The following EED variants were observed in gnomAD, a reference collection of about 807,000 sequenced individuals.
The protein encoded by EED is embryonic ectoderm development, also known as polycomb protein EED.
EED carries 9 observed loss-of-function variants against 61.0 expected under a neutral mutation model. The observed-to-expected ratio is 0.15, with a 90% CI of 0.09 to 0.26. EED has a LOEUF of 0.26. Ranked by LOEUF, EED falls within the 10% of genes least tolerant of loss-of-function variation. EED has a pLI of 1.00. For synonymous variants in EED, 187 were observed against 174.4 expected, an observed-to-expected ratio of 1.07 and a Z score of -0.57; for missense variants, 315 against 542.3, an observed-to-expected ratio of 0.58 and a Z score of 4.16.
intron 10 of EED, 46 bp from the exon 11 acceptor site, chr11:86,277,872 C>T: frequency 6.7e-7 from 1 of 1,491,642 alleles, no homozygotes; most frequent in Non-Finnish European, 8.9e-7. Flanking sequence ...GCTTTAGAAC[C>T]TGGTAATTTT....
At position 86,264,237 on chromosome 11, in the gene EED, G is replaced by C; in HGVS notation, c.700G>C (p.Gly234Arg). 1 of 1,613,902 alleles carries C rather than the reference G, an allele frequency of 6.2e-7. No individual in the cohort carries two copies. Among genetic ancestry groups the C allele is most frequent in the Non-Finnish European group, 8.5e-7 (1 of 1,179,872 alleles). ...GGTGGCAATATTTGGAGGCGTAGAA[G>C]GGCACAGAGATGAAGTTCTAAGTGC... ...TLVAIFGGVE[G>R]HRDEVLSADY... Residue 234 changes from glycine (G) to arginine (R), a missense_variant, in exon 7 of 12, where the codon GGG (glycine) becomes CGG (arginine). Coordinates refer to ENST00000263360, the MANE Select transcript of EED (RefSeq NM_003797.5).
At chr11:86,280,581 T>C (rs1001262558), downstream of EED, among the ~76,000 whole-genome samples, 6 of 152,212 alleles carry the variant, frequency 3.9e-5, no homozygotes, top group Non-Finnish European at 8.8e-5. Context: ...AATTATATTC[T>C]CAAGGGTCTT....
intron 9 of EED, among the ~76,000 whole-genome samples, chr11:86,275,500 C>G (rs1279099279): frequency 1.2e-4 from 18 of 152,194 alleles, no homozygotes; most frequent in Admixed American, 1.2e-3. Flanking sequence ...ATTGGTAGTT[C>G]TAAAAAGCTC....
intron 4 of EED, among the ~76,000 whole-genome samples, chr11:86,255,831 C>T (rs898695717): frequency 1.1e-4 from 16 of 151,914 alleles, no homozygotes; most frequent in Non-Finnish European, 1.6e-4. Flanking sequence ...CGAGTTAGAG[C>T]GGTAAAAGCT....
chr11:86,254,306 A>G (rs1368790380), intron 3 of EED, among the ~76,000 whole-genome samples: 3 of 151,058 alleles, frequency 2.0e-5, no homozygotes, highest in Non-Finnish European at 4.4e-5. Context: ...TTTTTATTTG[A>G]ATTTTTATTT....
intron 9 of EED, among the ~76,000 whole-genome samples, chr11:86,269,396 G>A (rs1946057942): frequency 6.6e-6 from 1 of 152,124 alleles, no homozygotes; most frequent in Non-Finnish European, 1.5e-5. Context: ...TATTGGTGAT[G>A]TTACATGAGC....
intron 8 of EED, among the ~76,000 whole-genome samples, chr11:86,266,890 T>C (rs1489590241): frequency 1.3e-5 from 2 of 152,190 alleles, no homozygotes; most frequent in African/African-American, 4.8e-5. Flanking sequence ...ACTTTTGTTT[T>C]AGCAAAGAGC....
chr11:86,247,941 T>C (rs1945431859), intron 1 of EED, among the ~76,000 whole-genome samples: 2 of 152,260 alleles, frequency 1.3e-5, no homozygotes, highest in Non-Finnish European at 2.9e-5. Flanking sequence ...TTTGAGATCA[T>C]ATGACTGCAG....
chr11:86,249,258 A>C (rs1351664517), intron 1 of EED, among the ~76,000 whole-genome samples: 1 of 152,052 alleles, frequency 6.6e-6, no homozygotes, highest in East Asian at 1.9e-4. Flanking sequence ...ACTGCTTGCT[A>C]CCCGCCTATT....
chr11:86,266,657 T>G (rs1945988968), intron 8 of EED, among the ~76,000 whole-genome samples: 1 of 152,148 alleles, frequency 6.6e-6, no homozygotes, highest in Non-Finnish European at 1.5e-5. Flanking sequence ...CTCTAATTCA[T>G]GATAATGTTT....
chr11:86,257,876 T>G (rs981844301), intron 6 of EED, among the ~76,000 whole-genome samples: 1 of 152,244 alleles, frequency 6.6e-6, no homozygotes, highest in Non-Finnish European at 1.5e-5. Context: ...AAAACAATTA[T>G]GTAATCCTTC....
chr11:86,286,847 C>G, the EED span, among the ~76,000 whole-genome samples: 7,867 of 151,826 alleles, frequency 0.052, 282 homozygotes, highest in East Asian at 0.14. Context: ...TGGTGGGCAC[C>G]TGTAGTCCCA....
At chr11:86,286,073 C>T in the EED span, among the ~76,000 whole-genome samples, 1 of 152,164 alleles carries the variant, frequency 6.6e-6, no homozygotes, top group Non-Finnish European at 1.5e-5. Flanking sequence ...CTCTGTCGCC[C>T]AGGCTGGAAT....
intron 3 of EED, 21 bp downstream of exon 3, chr11:86,252,261 T>C: frequency 4.6e-6 from 7 of 1,532,954 alleles, no homozygotes; most frequent in Non-Finnish European, 6.2e-6. Context: ...AGGGGTCTAT[T>C]TAGTATTTGG....
At chr11:86,286,475 T>C in the EED span, among the ~76,000 whole-genome samples, 6 of 152,184 alleles carry the variant, frequency 3.9e-5, no homozygotes, top group African/African-American at 1.4e-4. Context: ...TCAGTGACTT[T>C]AAAATTATCT....
intron 8 of EED, 50 bp downstream of exon 8, chr11:86,266,266 TAA>T (rs1360359273): frequency 6.8e-7 from 1 of 1,471,590 alleles, no homozygotes; most frequent in African/African-American, 1.4e-5. Context: ...CTATTGAATA[TAA>T]GTTTTATTTT....
At chr11:86,277,260 A>G (rs1244725349) in intron 10 of EED, 122 bp downstream of exon 10, 1 of 934,652 alleles carries the variant, frequency 1.1e-6, no homozygotes, top group Non-Finnish European at 1.5e-6. Context: ...TTTTGTATTG[A>G]TTACTTTGCC....
chr11:86,246,974 GTTAT>G (rs1361370787), intron 1 of EED, among the ~76,000 whole-genome samples: 1 of 152,122 alleles, frequency 6.6e-6, no homozygotes, highest in African/African-American at 2.4e-5. Context: ...CTATACACAT[GTTAT>G]TTATTTATAA....
chr11:86,263,118 T>C (rs1028922948), intron 6 of EED, among the ~76,000 whole-genome samples: 3 of 152,124 alleles, frequency 2.0e-5, no homozygotes, highest in South Asian at 4.1e-4. Context: ...CAGGGATAGC[T>C]CTTACTCCAT....
Sources: gnomAD v4.1 joint callset for allele counts (sites outside exome capture counted in the v4.1 genomes callset) on GRCh38, gnomAD v4.1.1 for gene constraint, MANE v1.5 for transcripts, NCBI Gene and HGNC (gene_info 2026-07-23, HGNC 2026-07-21) for gene names.